The following GHR variants were observed in gnomAD, a reference collection of about 807,000 sequenced individuals.
The protein encoded by GHR is growth hormone receptor, also known as GH receptor.
GHR carries 35 observed loss-of-function variants against 67.1 expected under a neutral mutation model. That is an observed-to-expected ratio of 0.52 (90% CI 0.40 to 0.69). The LOEUF is 0.69. Among genes scored for constraint, GHR ranks in the 30% least tolerant of loss-of-function variants. The pLI, the probability that GHR is intolerant of heterozygous loss-of-function variation, is 0.00. For missense variants in GHR, 792 were observed against 764.6 expected, an observed-to-expected ratio of 1.04 and a Z score of -0.42; for synonymous variants, 272 against 269.1, an observed-to-expected ratio of 1.01 and a Z score of -0.10.
At chr5:42,599,287 T>C (rs1752239474) in intron 2 of GHR, among the ~76,000 whole-genome samples, 1 of 151,622 alleles carries the variant, frequency 6.6e-6, no homozygotes, top group Non-Finnish European at 1.5e-5. Flanking sequence ...AGAGATCTTA[T>C]CACAGAAGTC....
At chr5:42,425,022 G>T in intron 1 of GHR, 1 of 985,200 alleles carries the variant, frequency 1.0e-6, no homozygotes, top group Non-Finnish European at 1.2e-6. Flanking sequence ...AGGAGACCTT[G>T]GAAGGGACAG....
chr5:42,432,450 T>G (rs1387934554), intron 1 of GHR, among the ~76,000 whole-genome samples: 1 of 152,220 alleles, frequency 6.6e-6, no homozygotes, highest in East Asian at 1.9e-4. Flanking sequence ...TTGATTGCCA[T>G]TGGTCAGAAA....
chr5:42,683,877 A>G (rs924960312), intron 3 of GHR, among the ~76,000 whole-genome samples: 1 of 152,180 alleles, frequency 6.6e-6, no homozygotes, highest in African/African-American at 2.4e-5. Flanking sequence ...CTTTCTATGC[A>G]TCTGGAGTTA....
intron 1 of GHR, chr5:42,565,370 C>G: frequency 1.3e-6 from 1 of 741,624 alleles, no homozygotes; most frequent in Non-Finnish European, 1.6e-6. Flanking sequence ...ATTAGCAACT[C>G]GTTTTGAGTG....
At chr5:42,440,663 T>C (rs768643005) in intron 1 of GHR, among the ~76,000 whole-genome samples, 5 of 152,168 alleles carry the variant, frequency 3.3e-5, no homozygotes, top group Non-Finnish European at 7.4e-5. Context: ...TTATGAAGCA[T>C]GAATGGAGGA....
intron 1 of GHR, among the ~76,000 whole-genome samples, chr5:42,504,777 T>G (rs1746687501): frequency 6.6e-6 from 1 of 151,962 alleles, no homozygotes. Context: ...TAAAATAAAA[T>G]AAAAGTAAAG....
At position 42,721,169 on chromosome 5, in the gene GHR, C is replaced by G. The variant is rs1474476513; in HGVS notation, c.*1745C>G. The G allele has an allele frequency of 6.6e-6, 1 of 152,180 alleles. No individual in the cohort carries two copies. The highest frequency in any genetic ancestry group is 2.4e-5 in the African/African-American group (1 of 41,422). The allele number at this position is 152,180 out of a possible 1,614,324, so 9.4% of individuals were successfully genotyped here. On this transcript the variant is annotated 3_prime_UTR_variant, in exon 10 of 10. Coordinates refer to ENST00000230882, the MANE Select transcript of GHR (RefSeq NM_000163.5). ...TCGATCTCCTGACCTCGTGATCCAC[C>G]CGACTCGGCCTCCCAAAGTGCTGGG...
chr5:42,539,651 T>C (rs1748412513), intron 1 of GHR, among the ~76,000 whole-genome samples: 1 of 152,210 alleles, frequency 6.6e-6, no homozygotes, highest in Non-Finnish European at 1.5e-5. Context: ...TCTAGATCTA[T>C]TTTTTGACAG....
At chr5:42,474,301 G>GAAAGAAAGA (rs1745171139) in intron 1 of GHR, among the ~76,000 whole-genome samples, 1 of 137,784 alleles carries the variant, frequency 7.3e-6, no homozygotes, top group Non-Finnish European at 1.6e-5. Flanking sequence ...GAAAGAGAAA[G>GAAAGAAAGA]AAAGAAAGAA....
At chr5:42,629,668 C>T (rs1753854769) in intron 3 of GHR, among the ~76,000 whole-genome samples, 1 of 131,388 alleles carries the variant, frequency 7.6e-6, no homozygotes, top group Non-Finnish European at 1.6e-5. Context: ...AACTTCTGTG[C>T]AAGGCTGCTT....
chr5:42,462,706 T>G (rs62370609), intron 1 of GHR, among the ~76,000 whole-genome samples: 7 of 151,462 alleles, frequency 4.6e-5, no homozygotes, highest in Admixed American at 1.3e-4. Flanking sequence ...GCGTGTGCTT[T>G]TGTGTGTGTG....
intron 2 of GHR, among the ~76,000 whole-genome samples, chr5:42,573,257 A>G (rs1023053166): frequency 6.6e-6 from 1 of 152,148 alleles, no homozygotes; most frequent in African/African-American, 2.4e-5. Context: ...CAGGAGTTGA[A>G]TTAGTATCCC....
intron 1 of GHR, among the ~76,000 whole-genome samples, chr5:42,490,171 A>T (rs1223719855): frequency 1.3e-5 from 2 of 152,216 alleles, no homozygotes; most frequent in Non-Finnish European, 2.9e-5. Flanking sequence ...TTACTGAAAC[A>T]CTGGAATGGT....
At chr5:42,482,160 T>C (rs1428756346) in intron 1 of GHR, among the ~76,000 whole-genome samples, 1 of 152,220 alleles carries the variant, frequency 6.6e-6, no homozygotes, top group Non-Finnish European at 1.5e-5. Context: ...AGACCCTGTT[T>C]GCCTGGGTAT....
intron 2 of GHR, among the ~76,000 whole-genome samples, chr5:42,597,095 T>G (rs963962418): frequency 1.3e-5 from 2 of 151,966 alleles, no homozygotes; most frequent in African/African-American, 4.8e-5. Context: ...CAGTGGTGGG[T>G]GGAAGGGGGG....
chr5:42,512,799 CTTT>C (rs1554014683), intron 1 of GHR, among the ~76,000 whole-genome samples: 2 of 133,474 alleles, frequency 1.5e-5, no homozygotes, highest in Non-Finnish European at 3.3e-5. Flanking sequence ...CATTCAGTAA[CTTT>C]TTTTTTTTTT....
intron 6 of GHR, among the ~76,000 whole-genome samples, chr5:42,707,743 T>C (rs1379888004): frequency 6.6e-6 from 1 of 151,978 alleles, no homozygotes; most frequent in African/African-American, 2.4e-5. Flanking sequence ...CTGATAACAA[T>C]TTAAGTTTCT....
At chr5:42,520,413 G>T (rs772724408) in intron 1 of GHR, among the ~76,000 whole-genome samples, 1 of 152,108 alleles carries the variant, frequency 6.6e-6, no homozygotes, top group Non-Finnish European at 1.5e-5. Context: ...GATCTCATGG[G>T]GACAGGCAGT....
chr5:42,565,200 A>AT (rs1461045675), intron 1 of GHR, among the ~76,000 whole-genome samples: 1 of 152,178 alleles, frequency 6.6e-6, no homozygotes, highest in Non-Finnish European at 1.5e-5. Flanking sequence ...AGGTGTTCAC[A>AT]TTCCTGGGTC....
Sources: gnomAD v4.1 joint callset for allele counts (sites outside exome capture counted in the v4.1 genomes callset) on GRCh38, gnomAD v4.1.1 for gene constraint, MANE v1.5 for transcripts, NCBI Gene and HGNC (gene_info 2026-07-23, HGNC 2026-07-21) for gene names.